The following PLCG2 variants were observed in gnomAD, a reference collection of about 807,000 sequenced individuals.
PLCG2 encodes phospholipase C gamma 2, also known as 1-phosphatidylinositol 4,5-bisphosphate phosphodiesterase gamma-2.
In PLCG2, 69 loss-of-function variants were observed where a neutral mutation model predicts 175.6. That is an observed-to-expected ratio of 0.39 (90% CI 0.32 to 0.48). The LOEUF (loss-of-function observed/expected upper bound fraction) is 0.48, where lower values mean the gene tolerates loss of function less well. Ranked by LOEUF, PLCG2 falls within the 20% of genes least tolerant of loss-of-function variation. The pLI, the probability that PLCG2 is intolerant of heterozygous loss-of-function variation, is 0.91. For missense variants in PLCG2, 1,798 were observed against 1,650.9 expected (o/e 1.09, Z -1.54); for synonymous variants, 827 against 624.0 (o/e 1.33, Z -4.85).
intron 2 of PLCG2, among the ~76,000 whole-genome samples, chr16:81,805,273 A>G (rs1341487101): frequency 2.6e-5 from 4 of 152,116 alleles, no homozygotes; most frequent in Non-Finnish European, 5.9e-5. Flanking sequence ...GCCAAGGTGG[A>G]TGGATCACAA....
At chr16:81,911,597 C>CTAATTAAT (rs58191847) in intron 18 of PLCG2, among the ~76,000 whole-genome samples, 187 of 146,442 alleles carry the variant, frequency 1.3e-3, no homozygotes, top group East Asian at 7.9e-3. Flanking sequence ...CTGTGCCCAG[C>CTAATTAAT]TAATTAATTA....
intron 22 of PLCG2, among the ~76,000 whole-genome samples, chr16:81,925,200 C>T (rs1407840054): frequency 3.9e-5 from 6 of 152,236 alleles, no homozygotes; most frequent in South Asian, 4.1e-4. Flanking sequence ...TGTGGGCAAA[C>T]CGCCCAGCGG....
intron 2 of PLCG2, among the ~76,000 whole-genome samples, chr16:81,853,654 T>A (rs1906535561): frequency 6.6e-6 from 1 of 152,176 alleles, no homozygotes; most frequent in East Asian, 1.9e-4. Flanking sequence ...TAATAGTGCT[T>A]ACTTGCCGGT....
At chr16:81,769,989 A>G (rs1158266891) in intron 2 of PLCG2, among the ~76,000 whole-genome samples, 1 of 152,158 alleles carries the variant, frequency 6.6e-6, no homozygotes, top group Admixed American at 6.5e-5. Flanking sequence ...CACTGTGAGG[A>G]TGAAATACAT....
intron 2 of PLCG2, among the ~76,000 whole-genome samples, chr16:81,807,259 A>T (rs1019501500): frequency 1.6e-4 from 25 of 151,850 alleles, no homozygotes; most frequent in Admixed American, 1.6e-3. Context: ...CAGCTCTGGG[A>T]CCCAAGAAAG....
chr16:81,899,587 C>G (rs1597117666), intron 13 of PLCG2, among the ~76,000 whole-genome samples: 1 of 152,246 alleles, frequency 6.6e-6, no homozygotes, highest in Non-Finnish European at 1.5e-5. Flanking sequence ...AGCGTGAAAG[C>G]TTCAACAAGT....
At chr16:81,895,743 G>A (rs1426811284) in intron 12 of PLCG2, 64 bp from the exon 13 acceptor site, 1 of 1,596,262 alleles carries the variant, frequency 6.3e-7, no homozygotes, top group Non-Finnish European at 8.6e-7. Flanking sequence ...TGTGGGCCGG[G>A]GGCTGACCTC....
At chr16:81,852,851 G>T (rs1390638829) in intron 2 of PLCG2, among the ~76,000 whole-genome samples, 3 of 152,178 alleles carry the variant, frequency 2.0e-5, no homozygotes, top group African/African-American at 7.2e-5. Flanking sequence ...ATGGTCCAGT[G>T]CTCTGTGGCT....
chr16:81,871,178 G>A (rs1364243322), intron 7 of PLCG2, among the ~76,000 whole-genome samples: 2 of 152,118 alleles, frequency 1.3e-5, no homozygotes, highest in Non-Finnish European at 1.5e-5. Context: ...GTGGAAATGC[G>A]AATGGCCATA....
Position 81,870,770 on chromosome 16 carries a change from C to T in PLCG2, c.565-82C>T, listed in dbSNP as rs35039495. ...ATAAAATAGCATGCCATTTCTGAAA[C>T]AAAAATTATTCTATAAATAGCATGG... On this transcript the variant is annotated intron_variant, in intron 6 of 32. Transcript: ENST00000564138. 112 of 713,934 alleles carry T rather than the reference C, an allele frequency of 1.6e-4. 1 individual carries two copies. Among genetic ancestry groups the T allele is most frequent in the Middle Eastern group, 3.8e-4 (1 of 2,624 alleles). The allele number at this position is 713,934 out of a possible 1,614,324, so 44.2% of individuals were successfully genotyped here.
chr16:81,938,771 G>T, intron 28 of PLCG2, 30 bp from the exon 29 acceptor site: 1 of 1,403,006 alleles, frequency 7.1e-7, no homozygotes, highest in Non-Finnish European at 1.0e-6. Context: ...GACCCCAGGG[G>T]GGTTCCAATG....
At chr16:81,849,477 G>A (rs1906289739) in intron 2 of PLCG2, among the ~76,000 whole-genome samples, 1 of 152,144 alleles carries the variant, frequency 6.6e-6, no homozygotes, top group South Asian at 2.1e-4. Flanking sequence ...ATCCCCTCTT[G>A]GCTGGGCGTG....
chr16:81,936,745 C>A (rs1458970916), intron 27 of PLCG2, among the ~76,000 whole-genome samples: 1 of 152,232 alleles, frequency 6.6e-6, no homozygotes, highest in African/African-American at 2.4e-5. Context: ...GAGACATTTA[C>A]ATGCTGGCAT....
At chr16:81,887,361 C>G (rs147587654) in intron 9 of PLCG2, among the ~76,000 whole-genome samples, 1 of 152,118 alleles carries the variant, frequency 6.6e-6, no homozygotes, top group African/African-American at 2.4e-5. Flanking sequence ...CCTCATGATC[C>G]GCCCACCTCG....
In PLCG2 at chr16:81,798,827, C is replaced by T. The variant is rs994691575; in HGVS notation, c.193+12645C>T. 44 of 152,480 alleles carry T rather than the reference C, an allele frequency of 2.9e-4. 1 individual carries two copies. The highest frequency in any genetic ancestry group is 3.4e-3 in the Middle Eastern group (1 of 298). The allele number at this position is 152,480 out of a possible 1,614,324, so 9.4% of individuals were successfully genotyped here. On this transcript the variant is annotated intron_variant, in intron 2 of 32. Coordinates refer to ENST00000564138, the MANE Select transcript of PLCG2 (RefSeq NM_002661.5). ...GAGGTGGAGGAGGGGCTGGCCTCCC[C>T]GGCCTCAGGACTTCAGGGATCCCAC...
chr16:81,880,811 T>A, intron 7 of PLCG2, 99 bp from the exon 8 acceptor site: 1 of 1,024,700 alleles, frequency 9.8e-7, no homozygotes, highest in South Asian at 1.3e-5. Context: ...TCTTGTTGCA[T>A]CTGACAAAAT....
intron 5 of PLCG2, among the ~76,000 whole-genome samples, chr16:81,863,597 C>A (rs1364791411): frequency 6.6e-6 from 1 of 152,164 alleles, no homozygotes; most frequent in African/African-American, 2.4e-5. Context: ...TGCTGGATTG[C>A]TGTGTATATA....
intron 2 of PLCG2, among the ~76,000 whole-genome samples, chr16:81,817,051 C>T (rs1024830192): frequency 1.3e-5 from 2 of 152,188 alleles, no homozygotes; most frequent in East Asian, 1.9e-4. Flanking sequence ...GAGGCACAAC[C>T]ATCACAGTGT....
chr16:81,935,929 C>T lies in PLCG2; in HGVS notation c.2843-240C>T, dbSNP rs189484841. ...ATAGTTTAAAAAAAAAAGTAAATTA[C>T]AGTAATTCTAGCCTAAAAGGTGGTG... On this transcript the variant is annotated intron_variant, in intron 26 of 32. Coordinates refer to ENST00000564138, the MANE Select transcript of PLCG2 (RefSeq NM_002661.5). 1.4e-5 allele frequency: 14 copies of T among 984,948 alleles called. No individual in the cohort carries two copies. In the East Asian group the frequency reaches 1.6e-3, roughly 112 times the overall value. The allele number at this position is 984,948 out of a possible 1,614,324, so 61.0% of individuals were successfully genotyped here.
Sources: allele counts gnomAD v4.1 joint callset (sites outside exome capture counted in the v4.1 genomes callset), GRCh38; gene constraint gnomAD v4.1.1; transcripts MANE v1.5; gene names NCBI Gene and HGNC (gene_info 2026-07-23, HGNC 2026-07-21).